Variants in TXNDC16 observed in about 807,000 individuals in gnomAD.
The protein encoded by TXNDC16 is thioredoxin domain containing 16, also known as thioredoxin domain-containing protein 16.
TXNDC16 carries 74 observed loss-of-function variants against 85.6 expected under a neutral mutation model. The ratio of observed to expected loss-of-function variants is 0.86; its 90% CI spans 0.72 to 1.05. The LOEUF is 1.05. TXNDC16 is among the 50% of genes least tolerant of loss of function. TXNDC16 has a pLI of 0.00. For synonymous variants in TXNDC16, 335 were observed against 326.5 expected (o/e 1.03, Z -0.28); for missense variants, 959 against 947.0 (o/e 1.01, Z -0.17).
At chr14:52,542,210 C>T (rs768426143) in intron 4 of TXNDC16, among the ~76,000 whole-genome samples, 161 bp downstream of exon 4, 2 of 152,042 alleles carry the variant, frequency 1.3e-5, no homozygotes, top group African/African-American at 2.4e-5. Context: ...ATGCAATAAC[C>T]TGAAACTATC....
chr14:52,457,437 T>C (rs1315295513), intron 16 of TXNDC16, among the ~76,000 whole-genome samples: 1 of 152,224 alleles, frequency 6.6e-6, no homozygotes, highest in Non-Finnish European at 1.5e-5. Context: ...ATAAGCTTTA[T>C]AGCACTCTAA....
At chr14:52,450,853 T>TTATATA (rs71125107) in intron 18 of TXNDC16, among the ~76,000 whole-genome samples, 70 of 145,124 alleles carry the variant, frequency 4.8e-4, no homozygotes, top group Middle Eastern at 3.6e-3. Context: ...AAAATGTGTT[T>TTATATA]TATATATATA....
At chr14:52,524,670 G>A (rs1365890524) in intron 6 of TXNDC16, among the ~76,000 whole-genome samples, 1 of 151,970 alleles carries the variant, frequency 6.6e-6, no homozygotes, top group African/African-American at 2.4e-5. Context: ...TTCTAAAAAC[G>A]TTTTGTAGAG....
chr14:52,533,025 C>A (rs2037619093), intron 6 of TXNDC16, among the ~76,000 whole-genome samples: 1 of 152,080 alleles, frequency 6.6e-6, no homozygotes, highest in Admixed American at 6.5e-5. Flanking sequence ...CTTTGGAATT[C>A]TACTTCCTTG....
intron 6 of TXNDC16, among the ~76,000 whole-genome samples, chr14:52,529,053 T>A (rs1262194851): frequency 6.7e-6 from 1 of 149,350 alleles, no homozygotes; most frequent in Non-Finnish European, 1.5e-5. Flanking sequence ...ATACCTATTA[T>A]ATAGCAATGA....
At chr14:52,451,691 T>C (rs905439073) in intron 18 of TXNDC16, among the ~76,000 whole-genome samples, 3 of 152,022 alleles carry the variant, frequency 2.0e-5, no homozygotes, top group African/African-American at 7.2e-5. Context: ...AGAAGGAATA[T>C]ACCTCAACAT....
At chr14:52,530,099 A>T (rs1384601579) in intron 6 of TXNDC16, among the ~76,000 whole-genome samples, 9 of 87,464 alleles carry the variant, frequency 1.0e-4, no homozygotes, top group African/African-American at 4.2e-4. Flanking sequence ...TTTATATATT[A>T]TATATATTTA....
chr14:52,507,853 G>T (rs1232414097), intron 9 of TXNDC16, among the ~76,000 whole-genome samples: 1 of 152,158 alleles, frequency 6.6e-6, no homozygotes, highest in Non-Finnish European at 1.5e-5. Flanking sequence ...GGAAAAACTG[G>T]CTAGCCATAT....
At chr14:52,476,031 C>T (rs1481998957) in intron 14 of TXNDC16, among the ~76,000 whole-genome samples, 1 of 152,142 alleles carries the variant, frequency 6.6e-6, no homozygotes, top group Non-Finnish European at 1.5e-5. Flanking sequence ...CAAGTACCAG[C>T]CTGGAGCCTG....
Position 52,430,791 on chromosome 14 carries a change from TAGAAATAAAAGCA to T in TXNDC16, c.*1500_*1512del, listed in dbSNP as rs2034874131. 1 of 152,138 alleles carries T rather than the reference TAGAAATAAAAGCA, an allele frequency of 6.6e-6. No homozygotes were observed. The highest frequency in any genetic ancestry group is 2.1e-4 in the South Asian group (1 of 4,826). The allele number at this position is 152,138 out of a possible 1,614,324, so 9.4% of individuals were successfully genotyped here. A position where few individuals can be genotyped will look rare whatever the true frequency, so the allele number is the denominator to read the frequency against. ...GAGTTCACTCTCATTGTTCCCATAT[TAGAAATAAAAGCA>T]AATGAAAATGAGTTTAATCAGGCAT... On this transcript the variant is annotated 3_prime_UTR_variant, in exon 21 of 21. Transcript: ENST00000281741.
intron 18 of TXNDC16, among the ~76,000 whole-genome samples, chr14:52,441,116 TTTTC>T (rs1319782343): frequency 6.6e-6 from 1 of 152,188 alleles, no homozygotes; most frequent in Non-Finnish European, 1.5e-5. Flanking sequence ...TGAAAAAGTA[TTTTC>T]TTTAACATCT....
rs923563532 is a variant in TXNDC16 at position 52,446,368 on chromosome 14, G to A, written c.1843-5644C>T. On this transcript the variant is annotated intron_variant, in intron 18 of 20. Coordinates refer to ENST00000281741, the MANE Select transcript of TXNDC16 (RefSeq NM_020784.3). ...CAGTGCATGCTCGCCCACAGTGGGT[G>A]TATTTAAACCATCTCTAGCCAGAGC... Among the ~76,000 whole-genome samples, 4 of 152,176 alleles carry A rather than the reference G, an allele frequency of 2.6e-5. No individual in the cohort carries two copies. The South Asian group carries it at 6.2e-4, about 24-fold the overall frequency.
Position 52,511,375 on chromosome 14 carries a change from T to A in TXNDC16, c.621A>T (p.Glu207Asp). 1 of 1,588,414 alleles carries A rather than the reference T, an allele frequency of 6.3e-7. No individual in the cohort carries two copies. Among genetic ancestry groups the A allele is most frequent in the Non-Finnish European group, 8.6e-7 (1 of 1,163,892 alleles). ...AATGAAAAAAGTAGAGATGTGCATA[T>A]TCCACATCCTCAGAGCTACAAATTA... ...LLESIGSEDV[E>D]YAHLYFFHCK... is the part of the protein sequence containing the mutation. Residue 207 changes from glutamate to aspartate, a missense_variant, in exon 9 of 21, where the codon GAA becomes GAT. By Grantham distance (45) the Glu-to-Asp change is conservative. Transcript: ENST00000281741.
chr14:52,432,387 G>A lies in TXNDC16; in HGVS notation c.2395C>T (p.His799Tyr), dbSNP rs757506061. Reference protein sequence around the residue: ...KEPIETLRIKHWNRSNWFKEA... With the variant: ...KEPIETLRIKYWNRSNWFKEA... ...TTAAACCAATTACTTCTATTCCAATGCTTTATTCTCAGAGTTTCAATCGGT... is the reference window on the plus strand; with the variant it reads ...TTAAACCAATTACTTCTATTCCAATACTTTATTCTCAGAGTTTCAATCGGT... The change falls in exon 21 of 21, where the codon CAT becomes TAT. Residue 799 changes from histidine to tyrosine, a missense_variant. Coordinates refer to ENST00000281741, the MANE Select transcript of TXNDC16 (RefSeq NM_020784.3). 6.2e-7 allele frequency: 1 copy of A among 1,613,836 alleles called. No individual in the cohort carries two copies. Among genetic ancestry groups the A allele is most frequent in the East Asian group, 2.2e-5 (1 of 44,858 alleles).
chr14:52,511,110 T>G (rs1397412354), intron 9 of TXNDC16, 130 bp downstream of exon 9: 1 of 704,920 alleles, frequency 1.4e-6, no homozygotes, highest in Admixed American at 3.3e-5. Context: ...AAGCTATAAC[T>G]GTCATTCATC....
chr14:52,517,439 T>C (rs2037110067), intron 7 of TXNDC16, among the ~76,000 whole-genome samples: 1 of 151,582 alleles, frequency 6.6e-6, no homozygotes, highest in African/African-American at 2.4e-5. Flanking sequence ...CCGAAATAGC[T>C]CTCTCAACTC....
chr14:52,517,409 C>T (rs2037109475), intron 7 of TXNDC16, among the ~76,000 whole-genome samples: 1 of 152,120 alleles, frequency 6.6e-6, no homozygotes, highest in African/African-American at 2.4e-5. Context: ...GCCTAACAAC[C>T]ATTCTTTATT....
At chr14:52,472,712 CAAAG>C (rs1469080936) in intron 14 of TXNDC16, among the ~76,000 whole-genome samples, 2 of 152,150 alleles carry the variant, frequency 1.3e-5, no homozygotes, top group Admixed American at 1.3e-4. Context: ...GACTTCCTAT[CAAAG>C]TTCTCTTATC....
At chr14:52,462,443 T>C (rs887747559) in intron 16 of TXNDC16, among the ~76,000 whole-genome samples, 4 of 152,180 alleles carry the variant, frequency 2.6e-5, no homozygotes, top group East Asian at 1.9e-4. Context: ...GCCTCCCAAA[T>C]AGCTGGAATT....
Sources: allele counts gnomAD v4.1 joint callset (sites outside exome capture counted in the v4.1 genomes callset), GRCh38; gene constraint gnomAD v4.1.1; transcripts MANE v1.5; gene names NCBI Gene and HGNC (gene_info 2026-07-23, HGNC 2026-07-21).